BPTF: variants seen among roughly 807,000 people sequenced by gnomAD.
The protein encoded by BPTF is bromodomain PHD finger transcription factor.
Under a neutral mutation model 292.5 loss-of-function variants are expected in BPTF, and 18 were observed. The observed-to-expected ratio is 0.06, with a 90% CI of 0.04 to 0.09. The LOEUF (loss-of-function observed/expected upper bound fraction) is 0.09. BPTF is among the 10% of genes least tolerant of loss of function. The pLI, the probability that BPTF is intolerant of heterozygous loss-of-function variation, is 1.00. For synonymous variants in BPTF, 1,225 were observed against 1,251.9 expected, an observed-to-expected ratio of 0.98 and a Z score of 0.45; for missense variants, 2,726 against 3,498.7, an observed-to-expected ratio of 0.78 and a Z score of 5.57.
chr17:67,917,834 CAG>C (rs1162294336), intron 11 of BPTF, among the ~76,000 whole-genome samples: 12 of 151,898 alleles, frequency 7.9e-5, no homozygotes, highest in Non-Finnish European at 1.6e-4. Flanking sequence ...GTTTTTGAGA[CAG>C]AGTCTCGCTC....
intron 1 of BPTF, among the ~76,000 whole-genome samples, chr17:67,842,817 C>CAAAAAAAAAAAAAAAA (rs60085248): frequency 2.1e-4 from 10 of 47,792 alleles, no homozygotes; most frequent in Non-Finnish European, 2.9e-4. Flanking sequence ...CAATTAAGGC[C>CAAAAAAAAAAAAAAAA]AAAAAAAAAA....
intron 7 of BPTF, among the ~76,000 whole-genome samples, chr17:67,897,611 G>A (rs1377876915): frequency 6.6e-6 from 1 of 152,092 alleles, no homozygotes; most frequent in Non-Finnish European, 1.5e-5. Flanking sequence ...GTGGGGGGAA[G>A]GGTTGGGGAG....
chr17:67,860,516 C>T (rs963260910), intron 2 of BPTF, among the ~76,000 whole-genome samples: 1 of 152,040 alleles, frequency 6.6e-6, no homozygotes, highest in Non-Finnish European at 1.5e-5. Flanking sequence ...ATTTATAGTC[C>T]ATCTGAGAAG....
chr17:67,909,999 C>G (rs563277052), intron 10 of BPTF, among the ~76,000 whole-genome samples: 5 of 152,286 alleles, frequency 3.3e-5, no homozygotes, highest in East Asian at 1.9e-4. Flanking sequence ...GAAAAGAAGC[C>G]TCATTCATAC....
rs888348023 is a variant in BPTF, at chr17:67,875,030, T to C, written c.1864+10T>C. ...CAAGGAAAATCTGAGGGTAAAAAAA[T>C]TACTTGATTAAAAAGAAATATTTCA... On this transcript the variant is annotated intron_variant, in intron 4 of 27. Coordinates refer to ENST00000306378, the MANE Select transcript of BPTF (RefSeq NM_182641.4). 2 of 1,591,184 alleles carry C rather than the reference T, an allele frequency of 1.3e-6. No individual in the cohort carries two copies. Among genetic ancestry groups the C allele is most frequent in the African/African-American group, 1.4e-5 (1 of 73,548 alleles).
intron 4 of BPTF, among the ~76,000 whole-genome samples, chr17:67,891,237 A>T (rs1598455768): frequency 6.6e-6 from 1 of 152,324 alleles, no homozygotes; most frequent in East Asian, 1.9e-4. Flanking sequence ...TGTAAAGCAG[A>T]AATTTGCTCC....
intron 4 of BPTF, among the ~76,000 whole-genome samples, chr17:67,882,745 G>A (rs1249630627): frequency 1.3e-5 from 2 of 152,152 alleles, no homozygotes; most frequent in East Asian, 1.9e-4. Context: ...GGTGGCTGAC[G>A]CCTGTAATCC....
chr17:67,939,970 A>C (rs974706282), intron 18 of BPTF, among the ~76,000 whole-genome samples: 1 of 152,260 alleles, frequency 6.6e-6, no homozygotes, highest in African/African-American at 2.4e-5. Flanking sequence ...CTATCTGTCA[A>C]ATAGCTGTAA....
At position 67,912,377 on chromosome 17, in the gene BPTF, G is replaced by A. The variant is rs751096700; in HGVS notation, c.4493G>A (p.Arg1498Gln). Residue 1498 changes from arginine to glutamine, a missense_variant, in exon 11 of 28, where the codon CGA becomes CAA. Arg to Gln is a conservative substitution (Grantham distance 43). Transcript: ENST00000306378. ...LSSSDAEGNY[R>Q]DSLETLPSTK... ...TCTTCAGATGCTGAAGGTAACTACC[G>A]AGATAGCCTTGAGACCCTGCCATCA... The A allele has an allele frequency of 3.7e-6, 6 of 1,614,026 alleles. No homozygotes were observed. Among genetic ancestry groups the A allele is most frequent in the African/African-American group, 2.7e-5 (2 of 74,990 alleles).
At chr17:67,872,466 C>T (rs1317645643) in intron 3 of BPTF, among the ~76,000 whole-genome samples, 4 of 152,056 alleles carry the variant, frequency 2.6e-5, no homozygotes, top group Non-Finnish European at 4.4e-5. Flanking sequence ...GTAATCCTAG[C>T]ACTTTGAGAC....
chr17:67,865,359 C>T (rs1411047149), intron 2 of BPTF, among the ~76,000 whole-genome samples: 1 of 152,172 alleles, frequency 6.6e-6, no homozygotes, highest in Non-Finnish European at 1.5e-5. Flanking sequence ...TAATATTTAA[C>T]ATTTATTGAT....
chr17:67,867,433 C>T (rs892336750), intron 3 of BPTF, among the ~76,000 whole-genome samples: 3 of 152,174 alleles, frequency 2.0e-5, no homozygotes, highest in African/African-American at 7.2e-5. Flanking sequence ...TTGGTTGCCC[C>T]TGTTATTAAA....
intron 19 of BPTF, among the ~76,000 whole-genome samples, chr17:67,942,731 A>G (rs1481636624): frequency 6.6e-6 from 1 of 152,232 alleles, no homozygotes; most frequent in African/African-American, 2.4e-5. Context: ...TCAGGTGTCT[A>G]TCAAAATCAG....
chr17:67,835,636 A>AT (rs2057063973), intron 1 of BPTF, among the ~76,000 whole-genome samples: 1 of 150,520 alleles, frequency 6.6e-6, no homozygotes, highest in Non-Finnish European at 1.5e-5. Context: ...TTAACATGTG[A>AT]TTAGAAAATC....
chr17:67,945,646 C>T lies in BPTF; in HGVS notation c.6938C>T (p.Ala2313Val). The change falls in exon 21 of 28, where the codon GCA becomes GTA. Residue 2313 changes from alanine to valine, a missense_variant. Coordinates refer to ENST00000306378, the MANE Select transcript of BPTF (RefSeq NM_182641.4). ...GTTTCATCCCATGTCCCTTCTGAAG[C>T]ACAACCCACCCACGCACAGTCATCC... is the stretch of plus-strand genomic sequence containing the variant. ...TTVSSHVPSE[A>V]QPTHAQSSKP... 3 of 1,614,028 alleles carry T rather than the reference C, an allele frequency of 1.9e-6. No individual in the cohort carries two copies. The highest frequency in any genetic ancestry group is 1.7e-5 in the Admixed American group (1 of 59,960).
At chr17:67,890,647 T>A (rs1468374256) in intron 4 of BPTF, among the ~76,000 whole-genome samples, 1 of 152,076 alleles carries the variant, frequency 6.6e-6, no homozygotes. Flanking sequence ...AATCATATGA[T>A]TAAAGTGTGG....
chr17:67,834,722 TC>T (rs1456943704), intron 1 of BPTF, among the ~76,000 whole-genome samples: 1 of 152,218 alleles, frequency 6.6e-6, no homozygotes, highest in African/African-American at 2.4e-5. Flanking sequence ...ATCTGGCCCT[TC>T]TTTAATTACA....
rs774589699 is a variant in BPTF, at chr17:67,854,487, A to G, written c.1161A>G (p.Ile387Met). ...AREELMSEGV[I>M]QYDDHCRVCH... ...AGGAATTGATGTCTGAAGGGGTGAT[A>G]CAGTATGATGACCATTGTAGGGTTT... Residue 387 changes from isoleucine (I) to methionine (M), a missense_variant, in exon 2 of 28, where the codon ATA becomes ATG. Coordinates refer to ENST00000306378, the MANE Select transcript of BPTF (RefSeq NM_182641.4). The surrounding 1 kb of genome is among the most constrained non-coding windows in gnomAD (Gnocchi z 5.6). The G allele has an allele frequency of 6.8e-6, 11 of 1,614,104 alleles. No individual in the cohort carries two copies. The highest frequency in any genetic ancestry group is 1.7e-5 in the Admixed American group (1 of 60,002).
intron 1 of BPTF, among the ~76,000 whole-genome samples, chr17:67,838,700 TC>T (rs1288616708): frequency 6.6e-6 from 1 of 152,218 alleles, no homozygotes; most frequent in Non-Finnish European, 1.5e-5. Context: ...GGTGTTGAAC[TC>T]CTGAGCTCAG....
Sources: allele counts gnomAD v4.1 joint callset (sites outside exome capture counted in the v4.1 genomes callset), GRCh38; gene constraint gnomAD v4.1.1; non-coding constraint Gnocchi (gnomAD v3.1); transcripts MANE v1.5; gene names NCBI Gene and HGNC (gene_info 2026-07-23, HGNC 2026-07-21).